The following TMEM275 variants were observed in gnomAD, a reference collection of about 807,000 sequenced individuals.
TMEM275 encodes transmembrane protein 275.
At chr1:46,532,367 G>A (rs1298475078) in exon 2 of TMEM275, 2 of 152,418 alleles carry the variant, frequency 1.3e-5, no homozygotes, top group East Asian at 3.9e-4. Flanking sequence ...AGGGTGGGGA[G>A]TGCTCACCCC....
chr1:46,534,092 G>C (rs1666708205), intron 1 of TMEM275, among the ~76,000 whole-genome samples, 51 bp from the exon 3 acceptor site: 1 of 152,148 alleles, frequency 6.6e-6, no homozygotes, highest in Non-Finnish European at 1.5e-5. Flanking sequence ...ACTCTCTCAA[G>C]TGGAAGAGGC....
rs1244011918 is a variant in TMEM275, at chr1:46,533,440, CCGGCGA to C, written c.82_87del (p.Ser28_Pro29del). 51 of 382,314 alleles carry C rather than the reference CCGGCGA, an allele frequency of 1.3e-4. No individual in the cohort carries two copies. The highest frequency in any genetic ancestry group is 1.8e-4 in the Non-Finnish European group (38 of 215,518). The allele number at this position is 382,314 out of a possible 1,614,324, so 23.7% of individuals were successfully genotyped here. On this transcript the variant is annotated inframe_deletion, in exon 2 of 2. Coordinates refer to ENST00000634804, the Ensembl canonical transcript of TMEM275. The surrounding 1 kb of genome is among the most constrained non-coding windows in gnomAD (Gnocchi z 4.4). The stretch of plus-strand genomic sequence containing the variant: ...CACAGACCGCAGGCGCAGCACAGCG[CCGGCGA>C]CGGCAGGCCGGGCACCCGGCCCCGG...
At position 46,533,316 on chromosome 1, in the gene TMEM275, A is replaced by C. The variant is rs559965391; in HGVS notation, c.212T>G (p.Val71Gly). 17 of 369,394 alleles carry C rather than the reference A, an allele frequency of 4.6e-5. No homozygotes were observed. The highest frequency in any genetic ancestry group is 3.0e-4 in the African/African-American group (14 of 46,982). The allele number at this position is 369,394 out of a possible 1,614,324, so 22.9% of individuals were successfully genotyped here. ...GGCCGCGAAGAAGCCGAGCGCCAGC[A>C]CCAGCAGCGCCAGCCCCACGACGAG... Residue 71 changes from valine (V) to glycine (G), a missense_variant, in exon 2 of 2, where the codon GTG (valine) becomes GGG (glycine). Coordinates refer to ENST00000634804, the Ensembl canonical transcript of TMEM275. This position sits in a 1 kb window ranked among gnomAD's most constrained non-coding sequence, Gnocchi z 4.4.
At chr1:46,534,736 T>C (rs6696219) in intron 1 of TMEM275, among the ~76,000 whole-genome samples, 153 bp from the exon 2 acceptor site, 39,494 of 151,952 alleles carry the variant, frequency 0.26, 5,788 homozygotes, top group African/African-American at 0.38. Context: ...GTTAGAATTG[T>C]GGGGAAAAAA....
At chr1:46,532,335 T>C (rs1275844368) in exon 2 of TMEM275, 1 of 152,336 alleles carries the variant, frequency 6.6e-6, no homozygotes, top group Non-Finnish European at 1.5e-5. Context: ...TCTCAGCTAC[T>C]CTTGCTCTTA....
In TMEM275 at chr1:46,534,587, GA is replaced by G. The variant is rs1335191897; in HGVS notation, c.-123-938del. On this transcript the variant is annotated intron_variant, in intron 1 of 1. Coordinates refer to ENST00000634804, the Ensembl canonical transcript of TMEM275. ...TCTATCACTGGATTCTAGAATTCTG[GA>G]AATGCATGCAGAAACAAGAGTAATA... is the stretch of plus-strand genomic sequence containing the variant. Among the ~76,000 whole-genome samples, 4 of 152,192 alleles carry G rather than the reference GA, an allele frequency of 2.6e-5. No individual in the cohort carries two copies.
exon 2 of TMEM275, chr1:46,532,953 A>G (rs1666685223): frequency 7.6e-6 from 3 of 395,416 alleles, no homozygotes; most frequent in Non-Finnish European, 1.3e-5. Flanking sequence ...AAGGAAGGGG[A>G]ATGAACCCGG....
Position 46,533,837 on chromosome 1 carries a change from G to A in TMEM275, c.-123-187C>T, listed in dbSNP as rs779084086. Among the ~76,000 whole-genome samples the A allele has an allele frequency of 6.6e-6, 1 of 152,110 alleles. No individual in the cohort carries two copies. The highest frequency in any genetic ancestry group is 1.5e-5 in the Non-Finnish European group (1 of 68,020). Reference sequence around the variant, plus strand: ...TCGACTTGTTTCCCCACCTAGTTCCGGGGGTCCCTCGTGGCCAATCTTGCC... The same window carrying A: ...TCGACTTGTTTCCCCACCTAGTTCCAGGGGTCCCTCGTGGCCAATCTTGCC... On this transcript the variant is annotated intron_variant, in intron 1 of 1. Transcript: ENST00000634804. The surrounding 1 kb of genome is among the most constrained non-coding windows in gnomAD (Gnocchi z 4.4).
chr1:46,532,892 GT>G (rs1666684219), exon 2 of TMEM275: 1 of 387,864 alleles, frequency 2.6e-6, no homozygotes, highest in African/African-American at 2.1e-5. Flanking sequence ...GGAAGAAAAG[GT>G]TTTCTTTTTT....
chr1:46,534,161 G>A (rs536817959), intron 1 of TMEM275, among the ~76,000 whole-genome samples, 120 bp from the exon 3 acceptor site: 4 of 112,486 alleles, frequency 3.6e-5, no homozygotes, highest in East Asian at 3.1e-4. Flanking sequence ...TGAAGAAACC[G>A]AGGCTCCCAG....
chr1:46,534,660 T>C (rs909490354), intron 1 of TMEM275, among the ~76,000 whole-genome samples, 77 bp from the exon 2 acceptor site: 1 of 152,228 alleles, frequency 6.6e-6, no homozygotes, highest in African/African-American at 2.4e-5. Context: ...AATTCTGTTC[T>C]ATAACGCATA....
At position 46,532,837 on chromosome 1, in the gene TMEM275, C is replaced by T. The variant is rs974653370; in HGVS notation, c.*157G>A. On this transcript the variant is annotated 3_prime_UTR_variant, in exon 2 of 2. Transcript: ENST00000634804. Reference sequence around the variant, plus strand: ...GTTTGGGAGATGGAAAAGATGAGGCCACCTGAGCCCAGCACCAGACCCTTG... The same window carrying T: ...GTTTGGGAGATGGAAAAGATGAGGCTACCTGAGCCCAGCACCAGACCCTTG... The T allele has an allele frequency of 1.0e-5, 4 of 383,360 alleles. No homozygotes were observed. The Admixed American group carries it at 1.4e-4, about 13-fold the overall frequency. The allele number at this position is 383,360 out of a possible 1,614,324, so 23.7% of individuals were successfully genotyped here.
chr1:46,533,146 G>A lies in TMEM275; in HGVS notation c.382C>T (p.Gln128Ter), dbSNP rs1389199233. ...GCGGCGGAGACGGCAGGGCTGAGCTGCACGGCCGTGGTGTCCTGTGCCGTG... is the reference window on the plus strand; with the variant it reads ...GCGGCGGAGACGGCAGGGCTGAGCTACACGGCCGTGGTGTCCTGTGCCGTG... Residue 128 changes from glutamine to a stop codon, truncating the protein, a stop_gained, in exon 2 of 2, where the codon CAG (glutamine) becomes TAG (stop). Transcript: ENST00000634804. LOFTEE classifies it low-confidence loss of function (END_TRUNC). The surrounding 1 kb of genome is among the most constrained non-coding windows in gnomAD (Gnocchi z 4.4). 29 of 387,866 alleles carry A rather than the reference G, an allele frequency of 7.5e-5. No individual in the cohort carries two copies. The highest frequency in any genetic ancestry group is 1.2e-4 in the Non-Finnish European group (27 of 219,346). 24.0% of individuals were successfully genotyped at this position (387,866 alleles called of 1,614,324 possible). A position where few individuals can be genotyped will look rare whatever the true frequency, so the allele number is the denominator to read the frequency against.
At position 46,533,143 on chromosome 1, in the gene TMEM275, G is replaced by A. The variant is rs1460847829; in HGVS notation, c.385C>T (p.Leu129Phe). ...GACGCGGCGGAGACGGCAGGGCTGA[G>A]CTGCACGGCCGTGGTGTCCTGTGCC... Residue 129 changes from leucine (L) to phenylalanine (F), a missense_variant, in exon 2 of 2, where the codon CTC (leucine) becomes TTC (phenylalanine). Leu to Phe is a conservative substitution (Grantham distance 22, BLOSUM62 0). Coordinates refer to ENST00000634804, the Ensembl canonical transcript of TMEM275. The surrounding 1 kb of genome is among the most constrained non-coding windows in gnomAD (Gnocchi z 4.4). 1.5e-5 allele frequency: 6 copies of A among 388,360 alleles called. No individual in the cohort carries two copies. The highest frequency in any genetic ancestry group is 9.1e-6 in the Non-Finnish European group (2 of 219,696). 24.1% of individuals were successfully genotyped at this position (388,360 alleles called of 1,614,324 possible).
exon 2 of TMEM275, chr1:46,532,863 T>G: frequency 2.6e-6 from 1 of 385,030 alleles, no homozygotes; most frequent in Admixed American, 4.5e-5. Flanking sequence ...CAGACCCTTG[T>G]AAAAAAGAAA....
At position 46,533,586 on chromosome 1, in the gene TMEM275, C is replaced by G. The variant is rs557671687; in HGVS notation, c.-59G>C. On this transcript the variant is annotated 5_prime_UTR_variant, in exon 2 of 2. Transcript: ENST00000634804. The surrounding 1 kb of genome is among the most constrained non-coding windows in gnomAD (Gnocchi z 4.4). ...CTCCTGCCGCCGGCCCGGAACAGCC[C>G]AACTGCCAGGAGCCTCCTCACGCTG... 153 of 381,604 alleles carry G rather than the reference C, an allele frequency of 4.0e-4. 1 individual carries two copies. The East Asian group carries it at 5.4e-3, about 13-fold the overall frequency. 23.6% of individuals were successfully genotyped at this position (381,604 alleles called of 1,614,324 possible). A position where few individuals can be genotyped will look rare whatever the true frequency, so the allele number is the denominator to read the frequency against.
Position 46,533,873 on chromosome 1 carries a change from T to G in TMEM275, c.-123-223A>C, listed in dbSNP as rs1045915268. Among the ~76,000 whole-genome samples the G allele has an allele frequency of 6.6e-6, 1 of 152,054 alleles. No individual in the cohort carries two copies. Among genetic ancestry groups the G allele is most frequent in the African/African-American group, 2.4e-5 (1 of 41,412 alleles). On this transcript the variant is annotated intron_variant, in intron 1 of 1. Coordinates refer to ENST00000634804, the Ensembl canonical transcript of TMEM275. This position sits in a 1 kb window ranked among gnomAD's most constrained non-coding sequence, Gnocchi z 4.4. ...GTGGCCAATCTTGCCATCCTCCCTC[T>G]CTCCTCACTTTTTTGTCCTCCAAAC...
exon 2 of TMEM275, chr1:46,532,321 C>G (rs963223096): frequency 4.6e-5 from 7 of 152,328 alleles, no homozygotes; most frequent in Non-Finnish European, 1.0e-4. Flanking sequence ...TGTCAGGGCC[C>G]CAGTCTCAGC....
chr1:46,533,496 G>C lies in TMEM275; in HGVS notation c.32C>G (p.Pro11Arg), dbSNP rs1025753994. Reference sequence around the variant, plus strand: ...GGCGCGTTCCGCGGGCGCCGGGACCGGTGGCCCCTCGCTCTTTTCTGCCGG... The same window carrying C: ...GGCGCGTTCCGCGGGCGCCGGGACCCGTGGCCCCTCGCTCTTTTCTGCCGG... The change falls in exon 2 of 2, where the codon CCG becomes CGG. Residue 11 changes from proline (P) to arginine (R), a missense_variant. Pro to Arg is a moderately radical substitution (Grantham distance 103). Transcript: ENST00000634804. The surrounding 1 kb of genome is among the most constrained non-coding windows in gnomAD (Gnocchi z 4.4). 1.0e-5 allele frequency: 4 copies of C among 388,852 alleles called. No homozygotes were observed. Among genetic ancestry groups the C allele is most frequent in the Admixed American group, 4.5e-5 (1 of 22,356 alleles). 24.1% of individuals were successfully genotyped at this position (388,852 alleles called of 1,614,324 possible).
Sources: gnomAD v4.1 joint callset for allele counts (sites outside exome capture counted in the v4.1 genomes callset) on GRCh38, gnomAD v4.1.1 for gene constraint, Gnocchi (gnomAD v3.1) non-coding constraint, MANE v1.5 for transcripts, NCBI Gene and HGNC (gene_info 2026-07-23, HGNC 2026-07-21) for gene names.